The following PNPLA3 variants were observed in gnomAD, a reference collection of about 807,000 sequenced individuals.
The protein encoded by PNPLA3 is patatin like domain 3, 1-acylglycerol-3-phosphate O-acyltransferase.
A neutral mutation model predicts 43.1 loss-of-function variants in PNPLA3; 42 were observed. The ratio of observed to expected loss-of-function variants is 0.97; its 90% CI spans 0.76 to 1.26. PNPLA3 has a LOEUF of 1.26. Ranked by LOEUF, PNPLA3 falls within the 50% of genes most tolerant of loss-of-function variation. The pLI is 0.00. For synonymous variants in PNPLA3, 272 were observed against 253.6 expected (o/e 1.07, Z -0.69); for missense variants, 647 against 621.4 (o/e 1.04, Z -0.44).
intron 3 of PNPLA3, among the ~76,000 whole-genome samples, chr22:43,931,450 C>T (rs567532080): frequency 2.2e-4 from 33 of 152,256 alleles, no homozygotes; most frequent in Non-Finnish European, 3.7e-4. Flanking sequence ...ATCCACCAGC[C>T]GCCTTCCTCC....
rs1253353954 is a variant in PNPLA3, at chr22:43,946,206, G to A, written c.1270G>A (p.Asp424Asn). Residue 424 changes from aspartate (D) to asparagine (N), a missense_variant, in exon 9 of 9, where the codon GAC becomes AAC. Physicochemically the swap from Asp to Asn is conservative, Grantham distance 23 (BLOSUM62 1). Coordinates refer to ENST00000216180, the MANE Select transcript of PNPLA3 (RefSeq NM_025225.3). ...QQASPCTPEQ[D>N]WPCWTPCSPK... ...GGCCTCCCCATGCACACCTGAGCAG[G>A]ACTGGCCCTGCTGGACTCCCTGCTC... 3 of 1,614,176 alleles carry A rather than the reference G, an allele frequency of 1.9e-6. No homozygotes were observed. Among genetic ancestry groups the A allele is most frequent in the Non-Finnish European group, 8.5e-7 (1 of 1,180,034 alleles).
chr22:43,931,521 T>C (rs937882755), intron 3 of PNPLA3, among the ~76,000 whole-genome samples: 1 of 152,172 alleles, frequency 6.6e-6, no homozygotes, highest in Non-Finnish European at 1.5e-5. Context: ...GTGAGGTTTT[T>C]GTTTGTTTTT....
intron 7 of PNPLA3, among the ~76,000 whole-genome samples, chr22:43,942,826 C>T (rs1410581844): frequency 6.6e-6 from 1 of 151,668 alleles, no homozygotes. Context: ...CCTCAACCTC[C>T]TAAGTAGCTG....
chr22:43,946,226 C>G lies in PNPLA3; in HGVS notation c.1290C>G (p.Pro430=), dbSNP rs2050062447. The change falls in exon 9 of 9, where the codon CCC becomes CCG. Residue 430 remains proline (P), a synonymous_variant. Coordinates refer to ENST00000216180, the MANE Select transcript of PNPLA3 (RefSeq NM_025225.3). ...TPEQDWPCWT[P]CSPKGCPAET... is the part of the protein sequence containing the mutation. ...AGCAGGACTGGCCCTGCTGGACTCC[C>G]TGCTCCCCCAAGGGCTGTCCAGCAG... 6.2e-7 allele frequency: 1 copy of G among 1,614,198 alleles called. No individual in the cohort carries two copies. The highest frequency in any genetic ancestry group is 1.7e-5 in the Admixed American group (1 of 60,036).
rs530831329 is a variant in PNPLA3, at chr22:43,944,765, G to A, written c.1187G>A (p.Arg396Gln). 1.4e-5 allele frequency: 23 copies of A among 1,614,194 alleles called. 1 individual carries two copies. Among genetic ancestry groups the A allele is most frequent in the Admixed American group, 1.3e-4 (8 of 60,016 alleles). Residue 396 changes from arginine (R) to glutamine (Q), a missense_variant, in exon 8 of 9, where the codon CGA becomes CAA. Physicochemically the swap from Arg to Gln is conservative, Grantham distance 43. Transcript: ENST00000216180. ...LQWVTSQVFTRVLMCLLPASR... is the reference protein window; with the variant it reads ...LQWVTSQVFTQVLMCLLPASR... ...TGGGTGACCTCACAGGTGTTCACTC[G>A]AGTGCTGATGTGTCTGCTCCCCGCC... is the stretch of plus-strand genomic sequence containing the variant.
intron 4 of PNPLA3, among the ~76,000 whole-genome samples, chr22:43,933,957 G>A (rs1249076871): frequency 6.6e-6 from 1 of 152,160 alleles, no homozygotes; most frequent in Non-Finnish European, 1.5e-5. Flanking sequence ...TTGTCCTAGT[G>A]GCAATTGGGA....
At chr22:43,937,464 T>C (rs2050003437) in intron 6 of PNPLA3, among the ~76,000 whole-genome samples, 192 bp downstream of exon 6, 1 of 152,140 alleles carries the variant, frequency 6.6e-6, no homozygotes, top group Non-Finnish European at 1.5e-5. Flanking sequence ...CCCCCAATCC[T>C]GGAACCTTGC....
At chr22:43,934,368 C>T (rs564606368) in intron 4 of PNPLA3, among the ~76,000 whole-genome samples, 2 of 151,562 alleles carry the variant, frequency 1.3e-5, no homozygotes, top group East Asian at 3.9e-4. Context: ...GAGGCTCTGG[C>T]CTGCTGGGGT....
intron 5 of PNPLA3, among the ~76,000 whole-genome samples, chr22:43,935,384 T>C (rs769892757): frequency 1.1e-4 from 17 of 152,078 alleles, no homozygotes; most frequent in Non-Finnish European, 2.2e-4. Flanking sequence ...TTGCCAGCCT[T>C]GTGAGAGAAG....
chr22:43,938,596 T>G (rs4823176), intron 6 of PNPLA3, among the ~76,000 whole-genome samples: 10 of 151,992 alleles, frequency 6.6e-5, no homozygotes, highest in African/African-American at 2.4e-4. Context: ...CCAGATCTCA[T>G]GAGAACACAT....
chr22:43,937,354 G>A, intron 6 of PNPLA3, 82 bp downstream of exon 6: 1 of 1,310,354 alleles, frequency 7.6e-7, no homozygotes, highest in African/African-American at 1.5e-5. Context: ...CTGCCACATG[G>A]GAGCGATAGG....
chr22:43,945,993 C>T (rs969787054), intron 8 of PNPLA3, among the ~76,000 whole-genome samples, 161 bp from the exon 9 acceptor site: 1 of 152,136 alleles, frequency 6.6e-6, no homozygotes, highest in Non-Finnish European at 1.5e-5. Context: ...TGACATCAGC[C>T]CAGCACTGAG....
intron 7 of PNPLA3, among the ~76,000 whole-genome samples, chr22:43,943,646 C>T (rs13056555): frequency 6.6e-6 from 1 of 151,990 alleles, no homozygotes; most frequent in Non-Finnish European, 1.5e-5. Context: ...GCTTGTACTT[C>T]GGGATTTTCT....
In PNPLA3 at chr22:43,937,150, C is replaced by T. The variant is rs781391159; in HGVS notation, c.857C>T (p.Ser286Phe). 6.2e-7 allele frequency: 1 copy of T among 1,614,170 alleles called. No homozygotes were observed. Residue 286 changes from serine (S) to phenylalanine (F), a missense_variant, in exon 6 of 9, where the codon TCC (serine) becomes TTC (phenylalanine). Transcript: ENST00000216180. ...PSWANMSLDS[S>F]PESAALAVRL... ...TGGGCAAACATGAGTCTGGATTCTTCCCCGGAGTCGGCTGCCTTGGCTGTG... is the reference window on the plus strand; with the variant it reads ...TGGGCAAACATGAGTCTGGATTCTTTCCCGGAGTCGGCTGCCTTGGCTGTG...
At chr22:43,940,212 G>T in intron 7 of PNPLA3, 87 bp downstream of exon 7, 1 of 1,462,168 alleles carries the variant, frequency 6.8e-7, no homozygotes, top group Non-Finnish European at 9.4e-7. Flanking sequence ...CATGTAGTCT[G>T]GGACCTGGAT....
intron 6 of PNPLA3, among the ~76,000 whole-genome samples, chr22:43,938,096 G>A (rs1190697743): frequency 2.6e-5 from 4 of 152,134 alleles, no homozygotes; most frequent in African/African-American, 4.8e-5. Flanking sequence ...CATGTCTGCT[G>A]CCCCTTGATC....
intron 1 of PNPLA3, 109 bp downstream of exon 1, chr22:43,924,207 C>A: frequency 8.0e-7 from 1 of 1,243,608 alleles, no homozygotes; most frequent in Non-Finnish European, 1.0e-6. Context: ...GGGCATCGGA[C>A]GCGGACACGG....
intron 3 of PNPLA3, among the ~76,000 whole-genome samples, chr22:43,931,020 G>A (rs1270264706): frequency 1.3e-5 from 2 of 152,128 alleles, no homozygotes; most frequent in African/African-American, 4.8e-5. Flanking sequence ...CCAGCTACTC[G>A]GGAGGCTGAG....
chr22:43,923,989 C>A lies in PNPLA3; in HGVS notation c.78C>A (p.Thr26=). ...GFLGFYHVGA[T]RCLSEHAPHL... ...TGGGCTTCTACCACGTCGGGGCGAC[C>A]CGCTGCCTGAGCGAGCACGCCCCGC... Residue 26 remains threonine (T), a synonymous_variant, in exon 1 of 9, where the codon ACC becomes ACA. Transcript: ENST00000216180. 6.3e-7 allele frequency: 1 copy of A among 1,584,868 alleles called. No homozygotes were observed. Among genetic ancestry groups the A allele is most frequent in the Non-Finnish European group, 8.5e-7 (1 of 1,174,176 alleles).
Sources: gnomAD v4.1 joint callset for allele counts (sites outside exome capture counted in the v4.1 genomes callset) on GRCh38, gnomAD v4.1.1 for gene constraint, MANE v1.5 for transcripts, NCBI Gene and HGNC (gene_info 2026-07-23, HGNC 2026-07-21) for gene names.